The following SGCD variants were observed in gnomAD, a reference collection of about 807,000 sequenced individuals.
SGCD encodes the protein delta-sarcoglycan.
Under a neutral mutation model 36.6 loss-of-function variants are expected in SGCD, and 18 were observed. The ratio of observed to expected loss-of-function variants is 0.49; its 90% CI spans 0.34 to 0.73. SGCD has a LOEUF of 0.73. SGCD is among the 30% of genes least tolerant of loss of function. SGCD has a pLI of 0.01. For missense variants in SGCD, 387 were observed against 346.7 expected (o/e 1.12, Z -0.92); for synonymous variants, 133 against 130.6 (o/e 1.02, Z -0.12).
chr5:156,136,707 C>A (rs1327143717), intron 3 of SGCD, among the ~76,000 whole-genome samples: 2 of 151,972 alleles, frequency 1.3e-5, no homozygotes, highest in Non-Finnish European at 2.9e-5. Flanking sequence ...AGGGAACAAC[C>A]AGAAAAGATT....
intron 3 of SGCD, among the ~76,000 whole-genome samples, chr5:156,474,827 A>G (rs1755112832): frequency 6.6e-6 from 1 of 152,162 alleles, no homozygotes; most frequent in Non-Finnish European, 1.5e-5. Flanking sequence ...TTAACTTGAT[A>G]TACGTGCATT....
At chr5:156,758,939 T>TATTTGACTCTAGGACTCTATTTACA (rs1451397740) in intron 8 of SGCD, among the ~76,000 whole-genome samples, 1 of 152,234 alleles carries the variant, frequency 6.6e-6, no homozygotes, top group Admixed American at 6.5e-5. Context: ...TTTTCACATT[T>TATTTGACTCTAGGACTCTATTTACA]ATTTGACTCT....
chr5:156,122,492 C>T (rs967631973), intron 2 of SGCD, among the ~76,000 whole-genome samples: 1 of 151,892 alleles, frequency 6.6e-6, no homozygotes, highest in African/African-American at 2.4e-5. Context: ...AGACGTGAAA[C>T]AGTGAGGAGA....
chr5:156,718,185 C>T (rs2113771771), intron 7 of SGCD, among the ~76,000 whole-genome samples: 1 of 152,220 alleles, frequency 6.6e-6, no homozygotes, highest in Admixed American at 6.5e-5. Flanking sequence ...AATTCCATGC[C>T]ATGTTCTTCT....
intron 1 of SGCD, among the ~76,000 whole-genome samples, chr5:155,950,256 T>C (rs1380788718): frequency 6.6e-6 from 1 of 152,160 alleles, no homozygotes; most frequent in Non-Finnish European, 1.5e-5. Flanking sequence ...TCCCCCTACC[T>C]GCTTTGTCTA....
At position 155,876,052 on chromosome 5, in the gene SGCD, A is replaced by AT. The variant is rs548770799; in HGVS notation, c.-282+5637dup. On this transcript the variant is annotated intron_variant, in intron 1 of 9. Transcript: ENST00000517913. ...GTCCTCTTGTTTTATTTTTTTATTTATTTTTTTTTATTATACTTTAAGTTT... is the reference window on the plus strand; with the variant it reads ...GTCCTCTTGTTTTATTTTTTTATTTATTTTTTTTTTATTATACTTTAAGTTT... Among the ~76,000 whole-genome samples the AT allele has an allele frequency of 7.7e-3, 1,065 of 138,564 alleles. 4 individuals are homozygous for AT. The highest frequency in any genetic ancestry group is 0.022 in the African/African-American group (781 of 35,062). 90.9% of individuals were successfully genotyped at this position (138,564 alleles called of 152,430 possible).
chr5:156,713,250 T>C (rs894422060), intron 7 of SGCD, among the ~76,000 whole-genome samples: 1 of 152,082 alleles, frequency 6.6e-6, no homozygotes, highest in Non-Finnish European at 1.5e-5. Flanking sequence ...AAACTGGCAA[T>C]AGACCAGTTA....
intron 6 of SGCD, among the ~76,000 whole-genome samples, chr5:156,638,373 T>C (rs1383439229): frequency 2.0e-5 from 3 of 152,180 alleles, no homozygotes; most frequent in Non-Finnish European, 4.4e-5. Flanking sequence ...TGGCCACCTG[T>C]CCCACTGAGG....
the SGCD span, among the ~76,000 whole-genome samples, chr5:155,756,031 G>A: frequency 6.6e-6 from 1 of 152,328 alleles, no homozygotes; most frequent in African/African-American, 2.4e-5. Context: ...AAGTGTGTAT[G>A]TAATGGATAA....
intron 1 of SGCD, among the ~76,000 whole-genome samples, chr5:155,928,786 C>T (rs1757044613): frequency 6.6e-6 from 1 of 151,494 alleles, no homozygotes; most frequent in African/African-American, 2.4e-5. Flanking sequence ...AAATTGGATT[C>T]TCTCTCAAAT....
chr5:155,895,384 C>T (rs1756228015), intron 1 of SGCD, among the ~76,000 whole-genome samples: 2 of 152,134 alleles, frequency 1.3e-5, no homozygotes, highest in Non-Finnish European at 2.9e-5. Context: ...GTGATTGCTA[C>T]ATGAATTTAA....
At chr5:156,323,284 A>C (rs369599906), upstream of SGCD, among the ~76,000 whole-genome samples, 44 of 152,218 alleles carry the variant, frequency 2.9e-4, no homozygotes, top group East Asian at 6.4e-3. Context: ...GTACCTGCAA[A>C]GTTTGTTCAC....
intron 5 of SGCD, among the ~76,000 whole-genome samples, chr5:156,590,922 C>T (rs1214121354): frequency 6.6e-6 from 1 of 151,706 alleles, no homozygotes; most frequent in Non-Finnish European, 1.5e-5. Context: ...TTTCTTCCTC[C>T]TTCTCCCTCC....
At chr5:155,977,521 G>A (rs950068818) in intron 1 of SGCD, among the ~76,000 whole-genome samples, 2 of 152,302 alleles carry the variant, frequency 1.3e-5, no homozygotes, top group South Asian at 4.1e-4. Flanking sequence ...ATAAATGAAT[G>A]ATTGGGTGAA....
In SGCD at chr5:156,756,294, C is replaced by T. The variant is rs1581536751; in HGVS notation, c.576-1287C>T. Reference sequence around the variant, plus strand: ...GGGTATGATGGTTCACGCTTGTAATCCCAGCACTTTGAAAGGCCAAAGAGA... The same window carrying T: ...GGGTATGATGGTTCACGCTTGTAATTCCAGCACTTTGAAAGGCCAAAGAGA... On this transcript the variant is annotated intron_variant, in intron 7 of 8. Coordinates refer to ENST00000337851, the MANE Select transcript of SGCD (RefSeq NM_000337.6). Among the ~76,000 whole-genome samples the T allele has an allele frequency of 2.0e-5, 3 of 152,170 alleles. No homozygotes were observed. In the South Asian group the frequency reaches 6.2e-4, roughly 32 times the overall value.
At chr5:156,256,476 C>G (rs1281678900) in intron 3 of SGCD, among the ~76,000 whole-genome samples, 1 of 152,144 alleles carries the variant, frequency 6.6e-6, no homozygotes, top group Non-Finnish European at 1.5e-5. Context: ...TGCTTTCGAC[C>G]AAAGCATCCA....
chr5:155,851,103 T>G, the SGCD span, among the ~76,000 whole-genome samples: 2 of 152,224 alleles, frequency 1.3e-5, no homozygotes, highest in East Asian at 3.8e-4. Flanking sequence ...TATCTTTCTC[T>G]TTCTGAGAAA....
chr5:155,870,365 A>T (rs1249927651), exon 1 of SGCD: 1 of 152,206 alleles, frequency 6.6e-6, no homozygotes, highest in Non-Finnish European at 1.5e-5. Flanking sequence ...TGAAGCTGGG[A>T]GGGTCACAGT....
chr5:156,113,921 T>G (rs1334183294), intron 1 of SGCD, among the ~76,000 whole-genome samples: 1 of 152,126 alleles, frequency 6.6e-6, no homozygotes, highest in Admixed American at 6.6e-5. Context: ...AAAGTCTGTA[T>G]GCTATGCGAT....
Sources: gnomAD v4.1 joint callset for allele counts (sites outside exome capture counted in the v4.1 genomes callset) on GRCh38, gnomAD v4.1.1 for gene constraint, MANE v1.5 for transcripts, NCBI Gene and HGNC (gene_info 2026-07-23, HGNC 2026-07-21) for gene names.